The following EYS variants were observed in gnomAD, a reference collection of about 807,000 sequenced individuals.
EYS encodes the protein EGF-like photoreceptor maintenance factor.
Under a neutral mutation model 282.1 loss-of-function variants are expected in EYS, and 250 were observed. The ratio of observed to expected loss-of-function variants is 0.89; its 90% CI spans 0.80 to 0.98. EYS has a LOEUF of 0.98. Among genes scored for constraint, EYS ranks in the 50% least tolerant of loss-of-function variants. The pLI, the probability that EYS is intolerant of heterozygous loss-of-function variation, is 0.00. For missense variants in EYS, 4,016 were observed against 3,709.0 expected, an observed-to-expected ratio of 1.08 and a Z score of -2.15; for synonymous variants, 1,355 against 1,282.9, an observed-to-expected ratio of 1.06 and a Z score of -1.20.
chr6:64,815,348 C>T lies in EYS; in HGVS notation c.3244-1771G>A, dbSNP rs369424363. ...AGTGGCATGGAAACATGTTTCTCCC[C>T]TAACTCTGTTTCTAGATATGTATAG... On this transcript the variant is annotated intron_variant, in intron 21 of 42. Transcript: ENST00000503581. The T allele has an allele frequency of 1.2e-3, 358 of 287,766 alleles. 6 individuals carry two copies. Among genetic ancestry groups the T allele is most frequent in the African/African-American group, 7.4e-3 (329 of 44,166 alleles). 17.8% of individuals were successfully genotyped at this position (287,766 alleles called of 1,614,324 possible). A position where few individuals can be genotyped will look rare whatever the true frequency, so the allele number is the denominator to read the frequency against.
At chr6:64,589,599 GA>G (rs1766335441) in intron 26 of EYS, among the ~76,000 whole-genome samples, 1 of 151,990 alleles carries the variant, frequency 6.6e-6, no homozygotes, top group Non-Finnish European at 1.5e-5. Context: ...TGTTATATGA[GA>G]AAACTGGCTT....
chr6:65,049,222 T>C (rs1429745527), intron 13 of EYS, among the ~76,000 whole-genome samples: 3 of 151,786 alleles, frequency 2.0e-5, no homozygotes, highest in African/African-American at 4.8e-5. Flanking sequence ...GCCCCTAATA[T>C]TCCTTGGGTG....
chr6:64,529,386 C>T (rs1398902448), intron 26 of EYS, among the ~76,000 whole-genome samples: 1 of 152,058 alleles, frequency 6.6e-6, no homozygotes, highest in Admixed American at 6.6e-5. Flanking sequence ...ATATTCCTCC[C>T]TCTAGTGAAA....
intron 31 of EYS, among the ~76,000 whole-genome samples, chr6:64,137,278 T>G (rs1166726644): frequency 6.6e-6 from 1 of 152,210 alleles, no homozygotes; most frequent in African/African-American, 2.4e-5. Flanking sequence ...GTTGGTTTGA[T>G]CCATCTGGAC....
At chr6:65,630,394 T>A (rs1766868750) in intron 2 of EYS, among the ~76,000 whole-genome samples, 1 of 152,220 alleles carries the variant, frequency 6.6e-6, no homozygotes, top group African/African-American at 2.4e-5. Flanking sequence ...AAGTAAACAG[T>A]TACACCTTAT....
chr6:64,425,390 C>A (rs1187808226), intron 28 of EYS, among the ~76,000 whole-genome samples: 1 of 152,054 alleles, frequency 6.6e-6, no homozygotes, highest in Non-Finnish European at 1.5e-5. Context: ...TGTGGTGGCT[C>A]ACGCCTGTAA....
intron 13 of EYS, among the ~76,000 whole-genome samples, chr6:64,999,498 C>G (rs1246170007): frequency 6.6e-6 from 1 of 152,144 alleles, no homozygotes; most frequent in Non-Finnish European, 1.5e-5. Flanking sequence ...GGCGTGGTCC[C>G]TGGCTAGGGC....
chr6:64,593,881 TTGC>T (rs1766486791), intron 24 of EYS, among the ~76,000 whole-genome samples: 1 of 152,078 alleles, frequency 6.6e-6, no homozygotes, highest in Non-Finnish European at 1.5e-5. Context: ...TGAATGAAAA[TTGC>T]GATAATGTAT....
chr6:63,937,345 CTTTTTTTTTTTTTTTTTTTT>C (rs778809745), intron 35 of EYS, among the ~76,000 whole-genome samples: 26 of 54,490 alleles, frequency 4.8e-4, no homozygotes, highest in African/African-American at 1.4e-3. Context: ...TCTCTCTTTT[CTTTTTTTTTTTTTTTTTTTT>C]TTTTTTTTTT....
chr6:65,005,256 C>T lies in EYS; in HGVS notation c.2138-7553G>A, dbSNP rs993435099. ...CTAAAGGCTTGCCATTGTTCCTGCA[C>T]GGCTAAGTGCCTGCGTTCATCCTAA... On this transcript the variant is annotated intron_variant, in intron 13 of 42. Transcript: ENST00000503581. Among the ~76,000 whole-genome samples, 24 of 148,042 alleles carry T rather than the reference C, an allele frequency of 1.6e-4. 4 individuals carry two copies. Among genetic ancestry groups the T allele is most frequent in the South Asian group, 6.5e-4 (3 of 4,612 alleles).
chr6:64,161,191 T>C (rs1775095308), intron 31 of EYS, among the ~76,000 whole-genome samples: 1 of 152,184 alleles, frequency 6.6e-6, no homozygotes, highest in Admixed American at 6.5e-5. Flanking sequence ...TAATAGAAGA[T>C]ACAAATAAAT....
At chr6:64,361,609 T>C (rs967954922) in intron 29 of EYS, among the ~76,000 whole-genome samples, 1 of 151,812 alleles carries the variant, frequency 6.6e-6, no homozygotes, top group Admixed American at 6.6e-5. Context: ...AAACAAATTT[T>C]CACAAACCTA....
At chr6:64,734,143 AAAC>A (rs1303291211) in intron 22 of EYS, among the ~76,000 whole-genome samples, 1 of 151,832 alleles carries the variant, frequency 6.6e-6, no homozygotes, top group African/African-American at 2.4e-5. Flanking sequence ...AAACAAGTAG[AAAC>A]AAACAAAAAA....
intron 22 of EYS, among the ~76,000 whole-genome samples, chr6:64,773,154 C>T (rs751958826): frequency 1.3e-5 from 2 of 151,508 alleles, no homozygotes; most frequent in Non-Finnish European, 3.0e-5. Flanking sequence ...TCAAGTAGTC[C>T]CTGGTGTCTG....
At chr6:63,734,055 G>C (rs369181344) in intron 41 of EYS, among the ~76,000 whole-genome samples, 11 of 152,140 alleles carry the variant, frequency 7.2e-5, no homozygotes, top group South Asian at 2.1e-4. Flanking sequence ...GTTCTCATAA[G>C]TGGGAGCTAA....
At chr6:64,498,199 A>G (rs1245725894) in intron 26 of EYS, among the ~76,000 whole-genome samples, 2 of 152,096 alleles carry the variant, frequency 1.3e-5, no homozygotes, top group Non-Finnish European at 2.9e-5. Flanking sequence ...TGATTCATAT[A>G]TTTAACTTGT....
At chr6:64,246,101 TTTA>T (rs1393703693) in intron 30 of EYS, among the ~76,000 whole-genome samples, 2 of 150,390 alleles carry the variant, frequency 1.3e-5, no homozygotes, top group African/African-American at 4.9e-5. Flanking sequence ...ATCCAGCTAG[TTTA>T]TTGTTATAAA....
intron 12 of EYS, among the ~76,000 whole-genome samples, chr6:65,082,803 T>C (rs974697753): frequency 7.5e-6 from 1 of 132,938 alleles, no homozygotes; most frequent in Non-Finnish European, 1.6e-5. Context: ...TTAAAATATA[T>C]GATTTTTTCA....
chr6:65,159,050 A>C (rs1764791923), intron 12 of EYS, among the ~76,000 whole-genome samples: 1 of 150,778 alleles, frequency 6.6e-6, no homozygotes. Flanking sequence ...TCCTGGAAAA[A>C]TTCTGAGCTT....
Sources: allele counts gnomAD v4.1 joint callset (sites outside exome capture counted in the v4.1 genomes callset), GRCh38; gene constraint gnomAD v4.1.1; transcripts MANE v1.5; gene names NCBI Gene and HGNC (gene_info 2026-07-23, HGNC 2026-07-21).